The following CACNA2D3 variants were observed in gnomAD, a reference collection of about 807,000 sequenced individuals.
CACNA2D3 encodes the protein voltage-dependent calcium channel subunit alpha-2/delta-3.
A neutral mutation model predicts 160.6 loss-of-function variants in CACNA2D3; 60 were observed. That is an observed-to-expected ratio of 0.37 (90% confidence interval 0.30 to 0.46). The LOEUF (loss-of-function observed/expected upper bound fraction) is 0.46. Among genes scored for constraint, CACNA2D3 ranks in the 20% least tolerant of loss-of-function variants. The pLI is 1.00. For synonymous variants in CACNA2D3, 558 were observed against 492.9 expected (o/e 1.13, Z -1.75); for missense variants, 1,205 against 1,365.0 (o/e 0.88, Z 1.85).
intron 13 of CACNA2D3, among the ~76,000 whole-genome samples, chr3:54,795,867 TC>T (rs1202992929): frequency 6.6e-6 from 1 of 152,190 alleles, no homozygotes; most frequent in Non-Finnish European, 1.5e-5. Flanking sequence ...TGTAAATTAA[TC>T]AACGGCAGGA....
At chr3:54,472,513 A>G (rs1207138994) in intron 4 of CACNA2D3, among the ~76,000 whole-genome samples, 1 of 152,166 alleles carries the variant, frequency 6.6e-6, no homozygotes, top group African/African-American at 2.4e-5. Flanking sequence ...CCTATTCAAC[A>G]TAGTATTGGA....
rs375924581 is a variant in CACNA2D3, at chr3:55,009,454, A to G, written c.2875+11A>G. 2.5e-6 allele frequency: 4 copies of G among 1,613,292 alleles called. No homozygotes were observed. The highest frequency in any genetic ancestry group is 3.4e-6 in the Non-Finnish European group (4 of 1,179,250). ...ATATGACAGCTAAAGGTGAGCAGCA[A>G]CTGGTTTCTGTTTCCCAGCTTGGAG... On this transcript the variant is annotated intron_variant, in intron 34 of 37. Transcript: ENST00000474759.
chr3:54,852,187 A>G (rs752109628), intron 17 of CACNA2D3, among the ~76,000 whole-genome samples: 39 of 152,280 alleles, frequency 2.6e-4, no homozygotes, highest in Non-Finnish European at 4.6e-4. Flanking sequence ...CAGGAGTGGA[A>G]GTGGGAGGTT....
chr3:54,370,261 G>C (rs4025912), intron 3 of CACNA2D3, among the ~76,000 whole-genome samples: 1 of 152,062 alleles, frequency 6.6e-6, no homozygotes, highest in South Asian at 2.1e-4. Context: ...CAGACTTACA[G>C]TTCTTAGATG....
rs1243998819 is a variant in CACNA2D3, at chr3:54,169,913, C to CGTG, written c.204+46324_204+46326dup. On this transcript the variant is annotated intron_variant, in intron 2 of 37. Coordinates refer to ENST00000474759, the MANE Select transcript of CACNA2D3 (RefSeq NM_018398.3). The stretch of plus-strand genomic sequence containing the variant: ...CAAGAGTGAGGGAGAAATGGCCGAG[C>CGTG]GTGGTGGCTCATGCCTGTAATCCCC... Among the ~76,000 whole-genome samples, 7 of 152,158 alleles carry CGTG rather than the reference C, an allele frequency of 4.6e-5. No individual in the cohort carries two copies. The East Asian group carries it at 1.4e-3, about 29-fold the overall frequency.
intron 11 of CACNA2D3, among the ~76,000 whole-genome samples, chr3:54,679,142 G>T (rs992768765): frequency 5.9e-5 from 9 of 152,100 alleles, no homozygotes; most frequent in Non-Finnish European, 8.8e-5. Flanking sequence ...CTTCCTCTGC[G>T]GTCCCATTGG....
Position 54,461,499 on chromosome 3 carries a change from T to C in CACNA2D3, c.382-41993T>C, listed in dbSNP as rs1469220118. Among the ~76,000 whole-genome samples, 12 of 151,634 alleles carry C rather than the reference T, an allele frequency of 7.9e-5. No homozygotes were observed. In the East Asian group the frequency reaches 1.5e-3, roughly 20 times the overall value. ...GAGATTCAACTTCTTCCTGGTTTAG[T>C]CTTGGGAGGGTGTACGTGTCGAGGA... On this transcript the variant is annotated intron_variant, in intron 4 of 37. Transcript: ENST00000474759.
At chr3:54,833,677 A>G (rs1266368365) in intron 14 of CACNA2D3, among the ~76,000 whole-genome samples, 1 of 152,166 alleles carries the variant, frequency 6.6e-6, no homozygotes, top group Admixed American at 6.5e-5. Context: ...TTACAGTGCA[A>G]ATGAACTTGC....
At chr3:54,753,649 C>T (rs1269226429) in intron 12 of CACNA2D3, among the ~76,000 whole-genome samples, 7 of 152,198 alleles carry the variant, frequency 4.6e-5, no homozygotes, top group Admixed American at 6.5e-5. Flanking sequence ...CATAACTTTA[C>T]GTACATTACT....
At chr3:54,151,190 G>A (rs540666495) in intron 2 of CACNA2D3, among the ~76,000 whole-genome samples, 13 of 152,154 alleles carry the variant, frequency 8.5e-5, no homozygotes, top group Middle Eastern at 3.4e-3. Context: ...TGGGTGAATG[G>A]ATGGGTTGGT....
intron 17 of CACNA2D3, among the ~76,000 whole-genome samples, chr3:54,871,071 CACACACACACACACACACACACCATT>C (rs1699514985): frequency 9.6e-6 from 1 of 104,222 alleles, no homozygotes; most frequent in African/African-American, 2.7e-5. Context: ...CACACACACA[CACACACACACACACACACACACCATT>C]CAATGGGAAG....
intron 2 of CACNA2D3, among the ~76,000 whole-genome samples, chr3:54,253,955 T>G (rs1183718898): frequency 6.6e-6 from 1 of 151,876 alleles, no homozygotes; most frequent in African/African-American, 2.4e-5. Context: ...TTAGTAGAGA[T>G]GGGGTTTCAC....
chr3:54,181,136 G>A (rs900515911), intron 2 of CACNA2D3, among the ~76,000 whole-genome samples: 13 of 152,180 alleles, frequency 8.5e-5, no homozygotes, highest in Non-Finnish European at 1.5e-5. Context: ...CTGTGAAAAA[G>A]GGTTTGGTTG....
chr3:54,692,339 C>CT (rs1700586800), intron 11 of CACNA2D3, among the ~76,000 whole-genome samples: 1 of 152,136 alleles, frequency 6.6e-6, no homozygotes, highest in Admixed American at 6.5e-5. Context: ...CTAAGAATTC[C>CT]TTTTAAGTCA....
chr3:54,901,609 T>C (rs1386657394), intron 27 of CACNA2D3, among the ~76,000 whole-genome samples: 1 of 152,208 alleles, frequency 6.6e-6, no homozygotes, highest in Admixed American at 6.5e-5. Flanking sequence ...CACCCTCCTA[T>C]TTACTGCTTC....
At chr3:55,020,801 A>G (rs1017280746) in intron 35 of CACNA2D3, among the ~76,000 whole-genome samples, 2 of 151,960 alleles carry the variant, frequency 1.3e-5, no homozygotes, top group Admixed American at 6.6e-5. Context: ...CAGTGAGCCA[A>G]TATCTCAGCA....
At chr3:55,010,588 T>C (rs374052417) in intron 34 of CACNA2D3, among the ~76,000 whole-genome samples, 3 of 152,200 alleles carry the variant, frequency 2.0e-5, no homozygotes, top group African/African-American at 7.2e-5. Context: ...TTCATTCATG[T>C]TCATTTTCCT....
At chr3:54,536,337 AT>A (rs1418497269) in intron 5 of CACNA2D3, among the ~76,000 whole-genome samples, 1 of 151,960 alleles carries the variant, frequency 6.6e-6, no homozygotes, top group Admixed American at 6.5e-5. Flanking sequence ...CACTTTTTGG[AT>A]TTTATGCTGT....
intron 11 of CACNA2D3, among the ~76,000 whole-genome samples, chr3:54,715,870 A>G (rs963958639): frequency 1.3e-5 from 2 of 152,220 alleles, no homozygotes; most frequent in Non-Finnish European, 2.9e-5. Flanking sequence ...TTCATCTCAC[A>G]TATGAACAAG....
Sources: gnomAD v4.1 joint callset for allele counts (sites outside exome capture counted in the v4.1 genomes callset) on GRCh38, gnomAD v4.1.1 for gene constraint, MANE v1.5 for transcripts, NCBI Gene and HGNC (gene_info 2026-07-23, HGNC 2026-07-21) for gene names.